GREB1L: variants seen among roughly 807,000 people sequenced by gnomAD.
GREB1L encodes GREB1-like protein.
A neutral mutation model predicts 200.8 loss-of-function variants in GREB1L; 17 were observed. The observed-to-expected ratio is 0.08, with a 90% CI of 0.06 to 0.13. GREB1L has a LOEUF of 0.13. Ranked by LOEUF, GREB1L falls within the 10% of genes least tolerant of loss-of-function variation. The pLI is 1.00. For missense variants in GREB1L, 1,657 were observed against 2,367.7 expected (o/e 0.70, Z 6.23); for synonymous variants, 789 against 893.0 (o/e 0.88, Z 2.08).
At chr18:21,492,164 G>A (rs939113215) in intron 19 of GREB1L, among the ~76,000 whole-genome samples, 1 of 151,926 alleles carries the variant, frequency 6.6e-6, no homozygotes, top group African/African-American at 2.4e-5. Flanking sequence ...GGCTAACACG[G>A]TGAAACCCTG....
chr18:21,490,740 C>T (rs2036301578), intron 19 of GREB1L, among the ~76,000 whole-genome samples: 1 of 152,228 alleles, frequency 6.6e-6, no homozygotes, highest in Non-Finnish European at 1.5e-5. Flanking sequence ...GTATCCTCAA[C>T]TCACTAATTC....
At chr18:21,409,162 A>G (rs1220634516) in intron 7 of GREB1L, among the ~76,000 whole-genome samples, 1 of 152,232 alleles carries the variant, frequency 6.6e-6, no homozygotes, top group Non-Finnish European at 1.5e-5. Flanking sequence ...CAAAAATGTG[A>G]TGTATCCATA....
chr18:21,318,973 ATGGGGAGCTGCT>A (rs1217259503), intron 1 of GREB1L, among the ~76,000 whole-genome samples: 1 of 152,218 alleles, frequency 6.6e-6, no homozygotes, highest in Non-Finnish European at 1.5e-5. Flanking sequence ...GGAGAGGTCT[ATGGGGAGCTGCT>A]TAGCCCCCGT....
chr18:21,266,908 A>G (rs1350242627), intron 1 of GREB1L, among the ~76,000 whole-genome samples: 1 of 152,256 alleles, frequency 6.6e-6, no homozygotes, highest in South Asian at 2.1e-4. Context: ...GTATCAGATA[A>G]TCTGACATTT....
At chr18:21,477,718 G>A (rs1400019136) in intron 17 of GREB1L, among the ~76,000 whole-genome samples, 1 of 151,800 alleles carries the variant, frequency 6.6e-6, no homozygotes, top group African/African-American at 2.4e-5. Flanking sequence ...CCCGGGAGGC[G>A]GAGGTTGCAG....
chr18:21,384,459 A>G (rs2040453105), intron 4 of GREB1L, 56 bp downstream of exon 4: 3 of 1,347,272 alleles, frequency 2.2e-6, no homozygotes, highest in Admixed American at 2.6e-5. Context: ...TGTCTGACAT[A>G]TTTCTAATTA....
intron 1 of GREB1L, among the ~76,000 whole-genome samples, chr18:21,249,141 CTTTTTT>C (rs200780006): frequency 6.8e-6 from 1 of 146,994 alleles, no homozygotes; most frequent in Non-Finnish European, 1.5e-5. Context: ...ATTGTAGAAT[CTTTTTT>C]TTTTTATTTA....
At chr18:21,405,983 T>C (rs1208829720) in intron 7 of GREB1L, among the ~76,000 whole-genome samples, 1 of 149,510 alleles carries the variant, frequency 6.7e-6, no homozygotes, top group African/African-American at 2.5e-5. Flanking sequence ...AATACAAAAA[T>C]TAGCTGGGTG....
chr18:21,455,357 C>G (rs932094169), intron 15 of GREB1L, among the ~76,000 whole-genome samples: 6 of 151,624 alleles, frequency 4.0e-5, no homozygotes, highest in African/African-American at 1.5e-4. Flanking sequence ...GATTTTAGAT[C>G]TGGAAGATGA....
At chr18:21,334,548 G>A (rs778547975) in intron 1 of GREB1L, among the ~76,000 whole-genome samples, 1 of 152,062 alleles carries the variant, frequency 6.6e-6, no homozygotes, top group African/African-American at 2.4e-5. Context: ...TATTGATCAC[G>A]AGGTCAGGAG....
chr18:21,357,017 G>A (rs1416208225), intron 1 of GREB1L, among the ~76,000 whole-genome samples: 1 of 151,880 alleles, frequency 6.6e-6, no homozygotes, highest in African/African-American at 2.4e-5. Flanking sequence ...TTAAAATTAG[G>A]GTTATTTGTT....
At chr18:21,395,105 C>CAAAAAA (rs372663303) in intron 4 of GREB1L, among the ~76,000 whole-genome samples, 1 of 64,064 alleles carries the variant, frequency 1.6e-5, no homozygotes, top group Non-Finnish European at 3.4e-5. Context: ...GACTCCATCT[C>CAAAAAA]AAAAAAAAAA....
chr18:21,300,550 C>T (rs966714661), intron 1 of GREB1L, among the ~76,000 whole-genome samples: 4 of 152,124 alleles, frequency 2.6e-5, no homozygotes, highest in African/African-American at 4.8e-5. Flanking sequence ...CTTTTGAAAA[C>T]GCCCCAGATT....
intron 1 of GREB1L, among the ~76,000 whole-genome samples, chr18:21,314,716 G>A (rs1281717323): frequency 1.3e-5 from 2 of 152,174 alleles, no homozygotes; most frequent in East Asian, 1.9e-4. Context: ...TCTATGGTCC[G>A]TGTTGCAGTT....
intron 2 of GREB1L, among the ~76,000 whole-genome samples, chr18:21,374,306 A>G (rs1255244546): frequency 6.6e-6 from 1 of 152,098 alleles, no homozygotes; most frequent in Admixed American, 6.6e-5. Context: ...ACCCAGCCTT[A>G]TTAGTTCTTG....
intron 1 of GREB1L, among the ~76,000 whole-genome samples, chr18:21,244,446 G>A (rs2143812833): frequency 6.6e-6 from 1 of 152,166 alleles, no homozygotes; most frequent in South Asian, 2.1e-4. Flanking sequence ...TTCTAGGCCT[G>A]GATTTGCCAC....
intron 1 of GREB1L, among the ~76,000 whole-genome samples, chr18:21,350,029 A>G (rs1246536815): frequency 6.6e-6 from 1 of 152,042 alleles, no homozygotes; most frequent in Non-Finnish European, 1.5e-5. Context: ...GAGTTGCTAC[A>G]TCCTATGAGC....
chr18:21,331,518 T>G (rs1338438386), intron 1 of GREB1L, among the ~76,000 whole-genome samples: 2 of 152,230 alleles, frequency 1.3e-5, no homozygotes, highest in East Asian at 3.8e-4. Flanking sequence ...AGATTTCAGC[T>G]GCTCTAAAAT....
intron 2 of GREB1L, among the ~76,000 whole-genome samples, chr18:21,373,349 T>G (rs2039953129): frequency 6.6e-6 from 1 of 152,196 alleles, no homozygotes; most frequent in South Asian, 2.1e-4. Flanking sequence ...TGCCTCCTTT[T>G]TTTTCGAGAC....
Sources: allele counts gnomAD v4.1 joint callset (sites outside exome capture counted in the v4.1 genomes callset), GRCh38; gene constraint gnomAD v4.1.1; transcripts MANE v1.5; gene names NCBI Gene and HGNC (gene_info 2026-07-23, HGNC 2026-07-21).